Variants in TUBB3 observed in about 807,000 individuals in gnomAD.
The protein encoded by TUBB3 is tubulin beta 3 class III.
A neutral mutation model predicts 37.8 loss-of-function variants in TUBB3; 17 were observed. The observed-to-expected ratio is 0.45, with a 90% CI of 0.31 to 0.67. The LOEUF is 0.67. Among genes scored for constraint, TUBB3 ranks in the 30% least tolerant of loss-of-function variants. The pLI, the probability that TUBB3 is intolerant of heterozygous loss-of-function variation, is 0.07. For missense variants in TUBB3, 262 were observed against 657.9 expected (o/e 0.40, Z 6.58); for synonymous variants, 332 against 278.9 (o/e 1.19, Z -1.90).
At chr16:89,926,368 C>G (rs1483944436) in intron 1 of TUBB3, among the ~76,000 whole-genome samples, 1 of 152,240 alleles carries the variant, frequency 6.6e-6, no homozygotes, top group Non-Finnish European at 1.5e-5. Context: ...CGGGCGGGAA[C>G]CGCATTCGGG....
In TUBB3 at chr16:89,935,894, C is replaced by G; in HGVS notation, c.*90C>G. ...CCCGGAGCCATCTTGCTGCCGACACCCTGCTTTCCCCTCGCCCTAGGGCTC... is the reference window on the plus strand; with the variant it reads ...CCCGGAGCCATCTTGCTGCCGACACGCTGCTTTCCCCTCGCCCTAGGGCTC... On this transcript the variant is annotated 3_prime_UTR_variant, in exon 4 of 4. Transcript: ENST00000315491. 6.8e-7 allele frequency: 1 copy of G among 1,467,158 alleles called. No individual in the cohort carries two copies. The highest frequency in any genetic ancestry group is 9.2e-7 in the Non-Finnish European group (1 of 1,090,340). The allele number at this position is 1,467,158 out of a possible 1,614,324, so 90.9% of individuals were successfully genotyped here.
chr16:89,931,926 C>G, intron 1 of TUBB3: 1 of 347,328 alleles, frequency 2.9e-6, no homozygotes. Flanking sequence ...CACGGACAGG[C>G]TGGGTGACCT....
At chr16:89,926,072 C>T (rs1022176400) in intron 1 of TUBB3, among the ~76,000 whole-genome samples, 47 of 152,176 alleles carry the variant, frequency 3.1e-4, no homozygotes, top group African/African-American at 1.1e-3. Context: ...CCGGGCTATG[C>T]AGAAACACCG....
chr16:89,930,973 A>C (rs9932089), intron 1 of TUBB3, among the ~76,000 whole-genome samples: 54 of 151,852 alleles, frequency 3.6e-4, no homozygotes, highest in African/African-American at 1.2e-3. Flanking sequence ...GACTACAGGC[A>C]CCCGCCACCA....
At chr16:89,933,218 G>A (rs746627193) in intron 2 of TUBB3, 77 of 685,322 alleles carry the variant, frequency 1.1e-4, no homozygotes, top group Non-Finnish European at 1.3e-5. Flanking sequence ...ACGAGCCCCT[G>A]CATCTGGTGG....
chr16:89,933,122 C>T, intron 2 of TUBB3: 3 of 569,128 alleles, frequency 5.3e-6, no homozygotes, highest in South Asian at 4.8e-5. Context: ...TAGAGACAGT[C>T]TCGATATGTT....
At chr16:89,929,210 G>A (rs1227091643) in intron 1 of TUBB3, among the ~76,000 whole-genome samples, 2 of 152,234 alleles carry the variant, frequency 1.3e-5, no homozygotes, top group East Asian at 3.9e-4. Flanking sequence ...TGATCTGCCT[G>A]CCTCAGCCTC....
At chr16:89,925,426 T>C (rs1049173276) in intron 1 of TUBB3, among the ~76,000 whole-genome samples, 1 of 135,066 alleles carries the variant, frequency 7.4e-6, no homozygotes, top group Non-Finnish European at 1.7e-5. Flanking sequence ...ACTCCGTTTC[T>C]TAAAAAAAAA....
Position 89,923,410 on chromosome 16 carries a change from G to A in TUBB3, c.9G>A (p.Glu3=). The A allele has an allele frequency of 6.6e-7, 1 of 1,510,892 alleles. No homozygotes were observed. Among genetic ancestry groups the A allele is most frequent in the Non-Finnish European group, 8.9e-7 (1 of 1,129,086 alleles). 93.6% of individuals were successfully genotyped at this position (1,510,892 alleles called of 1,614,324 possible). A position where few individuals can be genotyped will look rare whatever the true frequency, so the allele number is the denominator to read the frequency against. The change falls in exon 1 of 4, where the codon GAG becomes GAA. Residue 3 remains glutamate, a synonymous_variant. Coordinates refer to ENST00000315491, the MANE Select transcript of TUBB3 (RefSeq NM_006086.4). Reference sequence around the variant, plus strand: ...CGCCAGACGCGCCCAGTATGAGGGAGATCGTGCACATCCAGGCCGGCCAGT... The same window carrying A: ...CGCCAGACGCGCCCAGTATGAGGGAAATCGTGCACATCCAGGCCGGCCAGT... The part of the protein sequence containing the change: MR[E]IVHIQAGQCG...
chr16:89,935,778 G>C lies in TUBB3; in HGVS notation c.1327G>C (p.Glu443Gln). The change falls in exon 4 of 4, where the codon GAG (glutamate) becomes CAG (glutamine). Residue 443 changes from glutamate (E) to glutamine (Q), a missense_variant. Around this residue, in one of 3 missense-constraint regions of TUBB3, gnomAD observed 39 missense variants for 26.9 expected, o/e 1.45. Coordinates refer to ENST00000315491, the MANE Select transcript of TUBB3 (RefSeq NM_006086.4). ...CGAGATGTACGAAGACGACGAGGAG[G>C]AGTCGGAGGCCCAGGGCCCCAAGTG... ...EGEMYEDDEE[E>Q]SEAQGPK The C allele has an allele frequency of 6.2e-7, 1 of 1,613,682 alleles. No homozygotes were observed. Among genetic ancestry groups the C allele is most frequent in the South Asian group, 1.1e-5 (1 of 91,082 alleles).
At chr16:89,928,089 G>A (rs898799492) in intron 1 of TUBB3, among the ~76,000 whole-genome samples, 6 of 151,964 alleles carry the variant, frequency 3.9e-5, no homozygotes, top group Admixed American at 3.3e-4. Context: ...TTTTGAGACA[G>A]GCTCTTACTC....
intron 1 of TUBB3, among the ~76,000 whole-genome samples, chr16:89,924,339 G>A (rs962020121): frequency 6.6e-6 from 1 of 152,212 alleles, no homozygotes; most frequent in Admixed American, 6.5e-5. Context: ...CAGCAGGTGC[G>A]AGAGAGCTGG....
intron 1 of TUBB3, among the ~76,000 whole-genome samples, chr16:89,927,533 C>G (rs912507138): frequency 2.6e-5 from 4 of 152,212 alleles, no homozygotes; most frequent in African/African-American, 9.7e-5. Flanking sequence ...CCACCTCTCT[C>G]TATCCAAGTG....
At chr16:89,924,037 T>C (rs558693825) in intron 1 of TUBB3, among the ~76,000 whole-genome samples, 13 of 152,296 alleles carry the variant, frequency 8.5e-5, no homozygotes, top group African/African-American at 3.1e-4. Context: ...ATGACCTTGG[T>C]CCAGGACCAG....
chr16:89,926,334 T>C (rs2030082726), intron 1 of TUBB3, among the ~76,000 whole-genome samples: 2 of 152,236 alleles, frequency 1.3e-5, no homozygotes, highest in East Asian at 1.9e-4. Context: ...CCCTCTCGCC[T>C]GAAAGACCTG....
chr16:89,927,883 G>A (rs1265252326), intron 1 of TUBB3, among the ~76,000 whole-genome samples: 1 of 152,220 alleles, frequency 6.6e-6, no homozygotes, highest in East Asian at 1.9e-4. Flanking sequence ...CTCCTTTACA[G>A]GGGCTGGTGG....
intron 1 of TUBB3, 79 bp downstream of exon 1, chr16:89,923,537 A>G (rs1424730739): frequency 3.2e-6 from 4 of 1,258,718 alleles, no homozygotes. Flanking sequence ...CCGCACCTCC[A>G]GCTGCCCCCG....
Position 89,935,262 on chromosome 16 carries a change from G to A in TUBB3, c.811G>A (p.Ala271Thr). The A allele has an allele frequency of 6.2e-7, 1 of 1,613,614 alleles. No individual in the cohort carries two copies. The highest frequency in any genetic ancestry group is 8.5e-7 in the Non-Finnish European group (1 of 1,179,960). The change falls in exon 4 of 4, where the codon GCC becomes ACC. Residue 271 changes from alanine (A) to threonine (T), a missense_variant. Around this residue, in one of 3 missense-constraint regions of TUBB3, gnomAD observed 165 missense variants for 556.8 expected, o/e 0.30. Coordinates refer to ENST00000315491, the MANE Select transcript of TUBB3 (RefSeq NM_006086.4). ...PRLHFFMPGF[A>T]PLTARGSQQY... ...CCTGCACTTCTTCATGCCCGGCTTC[G>A]CCCCCCTCACAGCCCGGGGCAGCCA...
chr16:89,926,339 G>C (rs1224166866), intron 1 of TUBB3, among the ~76,000 whole-genome samples: 1 of 152,220 alleles, frequency 6.6e-6, no homozygotes, highest in African/African-American at 2.4e-5. Flanking sequence ...TCGCCTGAAA[G>C]ACCTGCGGAG....
Sources: allele counts gnomAD v4.1 joint callset (sites outside exome capture counted in the v4.1 genomes callset), GRCh38; gene constraint gnomAD v4.1.1; regional missense constraint gnomAD v4.1.1; transcripts MANE v1.5; gene names NCBI Gene and HGNC (gene_info 2026-07-23, HGNC 2026-07-21).